TOR1A: variants seen among roughly 807,000 people sequenced by gnomAD.
TOR1A encodes the protein torsin family 1 member A, also known as torsin-1A.
In TOR1A, 18 loss-of-function variants were observed where a neutral mutation model predicts 31.4. The ratio of observed to expected loss-of-function variants is 0.57; its 90% confidence interval spans 0.40 to 0.85. TOR1A has a LOEUF of 0.85. Ranked by LOEUF, TOR1A falls within the 40% of genes least tolerant of loss-of-function variation. TOR1A has a pLI of 0.00. For synonymous variants in TOR1A, 168 were observed against 165.9 expected, an observed-to-expected ratio of 1.01 and a Z score of -0.10; for missense variants, 375 against 416.4, an observed-to-expected ratio of 0.90 and a Z score of 0.87.
At position 129,813,518 on chromosome 9, in the gene TOR1A, A is replaced by T. The variant is rs1045441; in HGVS notation, c.*454T>A. 0.078 allele frequency: 21,702 copies of T among 278,610 alleles called. 966 individuals carry two copies. The highest frequency in any genetic ancestry group is 0.12 in the Middle Eastern group (93 of 748). The allele number at this position is 278,610 out of a possible 1,614,324, so 17.3% of individuals were successfully genotyped here. On this transcript the variant is annotated 3_prime_UTR_variant, in exon 5 of 5. Transcript: ENST00000351698. ...TTGGGCTCATTTCCAGTAAAGATACATCACAGTCTATGTAATAATGATGAG... is the reference window on the plus strand; with the variant it reads ...TTGGGCTCATTTCCAGTAAAGATACTTCACAGTCTATGTAATAATGATGAG...
intron 2 of TOR1A, chr9:129,822,048 C>T (rs1460839422): frequency 1.9e-5 from 4 of 209,948 alleles, no homozygotes; most frequent in African/African-American, 9.6e-5. Flanking sequence ...GGCACATCAC[C>T]TGAGATCAGG....
chr9:129,820,822 C>T (rs1442330744), intron 2 of TOR1A, among the ~76,000 whole-genome samples: 1 of 152,152 alleles, frequency 6.6e-6, no homozygotes. Flanking sequence ...TGGTCTGGAA[C>T]TCTTGAGCTC....
chr9:129,823,334 T>C (rs1426962273), intron 1 of TOR1A: 5 of 289,330 alleles, frequency 1.7e-5, no homozygotes, highest in Non-Finnish European at 3.4e-5. Context: ...GGTCTCCGAC[T>C]TAAGTCTGGC....
Position 129,822,823 on chromosome 9 carries a change from TGTC to T in TOR1A, c.199_201del (p.Asp67del). On this transcript the variant is annotated inframe_deletion, in exon 2 of 5. Coordinates refer to ENST00000351698, the MANE Select transcript of TOR1A (RefSeq NM_000113.3). ...TTTGCAAGATGCTGTCCAAAGAGGTTGTCGTCCAGATCCTTCTGCAGTGCTGGG... is the reference window on the plus strand; with the variant it reads ...TTTGCAAGATGCTGTCCAAAGAGGTTGTCCAGATCCTTCTGCAGTGCTGGG... The T allele has an allele frequency of 1.2e-6, 2 of 1,614,174 alleles. No homozygotes were observed. Among genetic ancestry groups the T allele is most frequent in the Non-Finnish European group, 1.7e-6 (2 of 1,180,030 alleles).
At chr9:129,815,096 C>T (rs2131002143) in intron 4 of TOR1A, among the ~76,000 whole-genome samples, 1 of 152,346 alleles carries the variant, frequency 6.6e-6, no homozygotes, top group South Asian at 2.1e-4. Flanking sequence ...CACTGCGTCG[C>T]CCACGAGCCC....
In TOR1A at chr9:129,818,732, G is replaced by T. The variant is rs754037992; in HGVS notation, c.620+13C>A. On this transcript the variant is annotated intron_variant, in intron 3 of 4. Transcript: ENST00000351698. Reference sequence around the variant, plus strand: ...CTCGGGGCCCATCCATCATGTCCTAGCCCTGACCTTACCTGAGAAATATGA... The same window carrying T: ...CTCGGGGCCCATCCATCATGTCCTATCCCTGACCTTACCTGAGAAATATGA... 6.2e-7 allele frequency: 1 copy of T among 1,613,546 alleles called. No individual in the cohort carries two copies. The highest frequency in any genetic ancestry group is 8.5e-7 in the Non-Finnish European group (1 of 1,180,044).
intron 2 of TOR1A, among the ~76,000 whole-genome samples, chr9:129,820,132 CTTTTT>C (rs956481254): frequency 1.4e-5 from 2 of 141,732 alleles, no homozygotes; most frequent in African/African-American, 5.2e-5. Context: ...GTTCATATAA[CTTTTT>C]TTTTTTGACA....
chr9:129,814,153 T>A lies in TOR1A; in HGVS notation c.818A>T (p.Glu273Val), dbSNP rs969678913. The A allele has an allele frequency of 1.2e-6, 2 of 1,614,178 alleles. No homozygotes were observed. The highest frequency in any genetic ancestry group is 2.7e-5 in the African/African-American group (2 of 75,028). The change falls in exon 5 of 5, where the codon GAA (glutamate) becomes GTA (valine). Residue 273 changes from glutamate (E) to valine (V), a missense_variant. Glu to Val is a moderately radical substitution (Grantham distance 121, BLOSUM62 -2). Transcript: ENST00000351698. ...IDYFVPFLPL[E>V]YKHLKMCIRV... ...GATACACATTTTTAGGTGTTTGTAT[T>A]CCAGGGGGAGGAAGGGAACAAAATA...
chr9:129,817,869 T>C (rs1441351608), intron 4 of TOR1A, among the ~76,000 whole-genome samples: 1 of 133,766 alleles, frequency 7.5e-6, no homozygotes, highest in Non-Finnish European at 1.5e-5. Flanking sequence ...AAAAAAAAAT[T>C]AGCCAGGCAT....
intron 4 of TOR1A, among the ~76,000 whole-genome samples, chr9:129,817,363 C>T (rs1040711513): frequency 1.3e-5 from 2 of 152,188 alleles, no homozygotes; most frequent in East Asian, 1.9e-4. Flanking sequence ...CCTTGCTCAA[C>T]CACTGGCTCT....
Position 129,818,936 on chromosome 9 carries a change from A to G in TOR1A, c.445-16T>C, listed in dbSNP as rs776399991. ...GTAACTGATCCTGAATTAAAAGGGG[A>G]AAAAGCGAACACAAAGTTCTCAGCC... is the stretch of plus-strand genomic sequence containing the variant. On this transcript the variant is annotated splice_polypyrimidine_tract_variant and intron_variant, in intron 2 of 4. Coordinates refer to ENST00000351698, the MANE Select transcript of TOR1A (RefSeq NM_000113.3). 8 of 1,610,374 alleles carry G rather than the reference A, an allele frequency of 5.0e-6. No homozygotes were observed. The highest frequency in any genetic ancestry group is 6.8e-6 in the Non-Finnish European group (8 of 1,179,818).
chr9:129,817,008 A>T (rs910199350), intron 4 of TOR1A, among the ~76,000 whole-genome samples: 1 of 152,220 alleles, frequency 6.6e-6, no homozygotes, highest in Admixed American at 6.5e-5. Flanking sequence ...GGTCTTAGCC[A>T]GTGAGTCAGC....
At position 129,824,117 on chromosome 9, in the gene TOR1A, C is replaced by T; in HGVS notation, c.-32G>A. ...ACCCGCGCCACCCTGCTTGTTCTCG[C>T]GCCGACCGCGAACCGGTGCAGCCGC... On this transcript the variant is annotated 5_prime_UTR_variant, in exon 1 of 5. Coordinates refer to ENST00000351698, the MANE Select transcript of TOR1A (RefSeq NM_000113.3). 6.5e-7 allele frequency: 1 copy of T among 1,541,928 alleles called. No individual in the cohort carries two copies. The highest frequency in any genetic ancestry group is 8.7e-7 in the Non-Finnish European group (1 of 1,149,220).
chr9:129,819,940 A>AT (rs931501354), intron 2 of TOR1A, among the ~76,000 whole-genome samples: 6 of 146,592 alleles, frequency 4.1e-5, no homozygotes, highest in Admixed American at 6.8e-5. Context: ...CAAAAAAAAA[A>AT]AATAATAATA....
intron 1 of TOR1A, 147 bp downstream of exon 1, chr9:129,823,761 C>T (rs982230687): frequency 4.7e-5 from 49 of 1,032,770 alleles, no homozygotes; most frequent in Middle Eastern, 6.3e-4. Flanking sequence ...AGCCCCCAGG[C>T]CCCGCTCCAG....
chr9:129,819,556 G>C (rs2031129556), intron 2 of TOR1A, among the ~76,000 whole-genome samples: 2 of 151,956 alleles, frequency 1.3e-5, no homozygotes, highest in African/African-American at 4.8e-5. Flanking sequence ...AGGAGTTCAA[G>C]ACCAGCCTGG....
At chr9:129,818,371 G>T in intron 4 of TOR1A, 149 bp downstream of exon 4, 1 of 1,222,778 alleles carries the variant, frequency 8.2e-7, no homozygotes, top group Non-Finnish European at 1.2e-6. Context: ...CATCAGCAAA[G>T]ATTCCCCTCA....
At position 129,823,962 on chromosome 9, in the gene TOR1A, G is replaced by A. The variant is rs777643677; in HGVS notation, c.124C>T (p.Leu42Phe). ...CAGCACTCGGCGAAGAGGCAGTAGA[G>A]ACGCGGGTAGATGTAGCCGGTGAGG... The part of the protein sequence containing the change: ...GVLTGYIYPR[L>F]YCLFAECCGQ... Residue 42 changes from leucine to phenylalanine, a missense_variant, in exon 1 of 5, where the codon CTC (leucine) becomes TTC (phenylalanine). Physicochemically the swap from Leu to Phe is conservative, Grantham distance 22. Coordinates refer to ENST00000351698, the MANE Select transcript of TOR1A (RefSeq NM_000113.3). 10 of 1,611,378 alleles carry A rather than the reference G, an allele frequency of 6.2e-6. No individual in the cohort carries two copies. Among genetic ancestry groups the A allele is most frequent in the Non-Finnish European group, 8.5e-6 (10 of 1,179,554 alleles).
intron 4 of TOR1A, among the ~76,000 whole-genome samples, chr9:129,814,689 G>A (rs1021837320): frequency 6.6e-6 from 1 of 151,524 alleles, no homozygotes; most frequent in Admixed American, 6.6e-5. Flanking sequence ...AGATGGGAAA[G>A]AGGTCCTGGG....
Sources: gnomAD v4.1 joint callset for allele counts (sites outside exome capture counted in the v4.1 genomes callset) on GRCh38, gnomAD v4.1.1 for gene constraint, MANE v1.5 for transcripts, NCBI Gene and HGNC (gene_info 2026-07-23, HGNC 2026-07-21) for gene names.